AKR1C8: variants seen among roughly 807,000 people sequenced by gnomAD.
The protein encoded by AKR1C8 is aldo-keto reductase family 1 member C8.
the AKR1C8 span, among the ~76,000 whole-genome samples, chr10:5,148,122 C>T: frequency 3.0e-4 from 46 of 152,196 alleles, no homozygotes; most frequent in African/African-American, 1.1e-3. Flanking sequence ...TAGGTGGCTG[C>T]TACGTGGGGG....
At chr10:5,117,219 C>T in the AKR1C8 span, among the ~76,000 whole-genome samples, 2 of 151,974 alleles carry the variant, frequency 1.3e-5, no homozygotes, top group East Asian at 3.9e-4. Flanking sequence ...ACCGCTTAAC[C>T]ACTTTTAAAT....
At chr10:5,123,483 AGTTT>A in the AKR1C8 span, 2 of 478,778 alleles carry the variant, frequency 4.2e-6, no homozygotes, top group South Asian at 8.9e-5. Context: ...GGCTGGATTC[AGTTT>A]GTTAGGCGGC....
the AKR1C8 span, chr10:5,160,810 A>AC: frequency 2.1e-6 from 1 of 470,812 alleles, no homozygotes; most frequent in Non-Finnish European, 4.4e-6. Flanking sequence ...AGCAGAACAT[A>AC]CCTCCCAAGT....
chr10:5,138,196 G>T, the AKR1C8 span, among the ~76,000 whole-genome samples: 16 of 152,150 alleles, frequency 1.1e-4, no homozygotes, highest in East Asian at 2.3e-3. Context: ...AAGCCCAAGG[G>T]TACTGCAGGA....
chr10:5,148,676 G>A, the AKR1C8 span, among the ~76,000 whole-genome samples: 7 of 152,144 alleles, frequency 4.6e-5, no homozygotes, highest in Admixed American at 1.3e-4. Context: ...TTTGTCTTGC[G>A]CTCAATAAAT....
chr10:5,184,547 C>T, the AKR1C8 span, among the ~76,000 whole-genome samples: 14 of 152,282 alleles, frequency 9.2e-5, no homozygotes, highest in African/African-American at 3.4e-4. Flanking sequence ...TTTGATTCCT[C>T]CTGGGTCCTT....
At chr10:5,143,230 C>T in the AKR1C8 span, among the ~76,000 whole-genome samples, 1 of 152,134 alleles carries the variant, frequency 6.6e-6, no homozygotes, top group African/African-American at 2.4e-5. Flanking sequence ...GAAAAGTCAG[C>T]TTGCTCTCTC....
chr10:5,173,621 A>G, the AKR1C8 span, among the ~76,000 whole-genome samples: 6 of 149,598 alleles, frequency 4.0e-5, no homozygotes, highest in Non-Finnish European at 5.9e-5. Flanking sequence ...TAGAAAACCG[A>G]AAAGCCAGAC....
At chr10:5,122,946 C>T in the AKR1C8 span, among the ~76,000 whole-genome samples, 1 of 152,090 alleles carries the variant, frequency 6.6e-6, no homozygotes, top group Non-Finnish European at 1.5e-5. Context: ...AAAAAATCAG[C>T]AATGATTTGG....
chr10:5,116,465 C>A, the AKR1C8 span, among the ~76,000 whole-genome samples: 1 of 152,064 alleles, frequency 6.6e-6, no homozygotes, highest in African/African-American at 2.4e-5. Flanking sequence ...GATTCCTGGA[C>A]CGTGAATCCT....
chr10:5,131,683 C>A, the AKR1C8 span, among the ~76,000 whole-genome samples: 2,214 of 148,820 alleles, frequency 0.015, 53 homozygotes, highest in African/African-American at 0.051. Context: ...AAAAAAAAAA[C>A]AAAAACAGTA....
At chr10:5,163,821 C>T in the AKR1C8 span, among the ~76,000 whole-genome samples, 12 of 152,258 alleles carry the variant, frequency 7.9e-5, no homozygotes, top group Non-Finnish European at 1.0e-4. Context: ...AATAAGAGAA[C>T]AAGACTCACC....
the AKR1C8 span, among the ~76,000 whole-genome samples, chr10:5,121,212 G>C: frequency 6.6e-6 from 1 of 152,004 alleles, no homozygotes; most frequent in East Asian, 1.9e-4. Context: ...TCAATCCTGA[G>C]ATCCTGCCAC....
At chr10:5,172,184 G>A in the AKR1C8 span, among the ~76,000 whole-genome samples, 1 of 152,006 alleles carries the variant, frequency 6.6e-6, no homozygotes, top group Non-Finnish European at 1.5e-5. Context: ...AAAGCATTCA[G>A]GAGGCCTAAT....
chr10:5,151,714 G>A, the AKR1C8 span, among the ~76,000 whole-genome samples: 1 of 151,940 alleles, frequency 6.6e-6, no homozygotes, highest in East Asian at 1.9e-4. Context: ...ACACCACCAT[G>A]CCTGGCTAAT....
At chr10:5,132,114 G>A in the AKR1C8 span, among the ~76,000 whole-genome samples, 1 of 152,120 alleles carries the variant, frequency 6.6e-6, no homozygotes, top group African/African-American at 2.4e-5. Flanking sequence ...ACTTATAAGT[G>A]GGAACTAAGC....
the AKR1C8 span, among the ~76,000 whole-genome samples, chr10:5,171,361 C>A: frequency 2.6e-5 from 4 of 151,938 alleles, no homozygotes; most frequent in Non-Finnish European, 5.9e-5. Context: ...TTTAACATAA[C>A]AATTATAATT....
the AKR1C8 span, among the ~76,000 whole-genome samples, chr10:5,124,553 AGGAAG>A: frequency 2.6e-5 from 4 of 152,156 alleles, no homozygotes; most frequent in Non-Finnish European, 5.9e-5. Flanking sequence ...TAAAGCCCCA[AGGAAG>A]GAACAAATAC....
At chr10:5,166,763 G>T in the AKR1C8 span, among the ~76,000 whole-genome samples, 39 of 152,036 alleles carry the variant, frequency 2.6e-4, no homozygotes, top group Non-Finnish European at 5.4e-4. Context: ...AAAAGCAATG[G>T]CAACAAAAGC....
Sources: allele counts gnomAD v4.1 joint callset (sites outside exome capture counted in the v4.1 genomes callset), GRCh38; gene constraint gnomAD v4.1.1; transcripts MANE v1.5; gene names NCBI Gene and HGNC (gene_info 2026-07-23, HGNC 2026-07-21).